PKHD1L1: variants seen among roughly 807,000 people sequenced by gnomAD.
PKHD1L1 encodes fibrocystin-L.
PKHD1L1 carries 434 observed loss-of-function variants against 462.9 expected under a neutral mutation model. The ratio of observed to expected loss-of-function variants is 0.94; its 90% CI spans 0.87 to 1.02. The LOEUF (loss-of-function observed/expected upper bound fraction) is 1.02. Ranked by LOEUF, PKHD1L1 falls within the 50% of genes least tolerant of loss-of-function variation. PKHD1L1 has a pLI of 0.00. For synonymous variants in PKHD1L1, 1,781 were observed against 1,750.0 expected, an observed-to-expected ratio of 1.02 and a Z score of -0.44; for missense variants, 5,202 against 5,096.1, an observed-to-expected ratio of 1.02 and a Z score of -0.63.
intron 48 of PKHD1L1, among the ~76,000 whole-genome samples, chr8:109,463,688 G>A (rs1427762329): frequency 6.6e-6 from 1 of 152,032 alleles, no homozygotes; most frequent in Admixed American, 6.6e-5. Context: ...GACCAACTTG[G>A]GTTTAAATGG....
At chr8:109,385,246 G>T (rs1159278185) in intron 5 of PKHD1L1, among the ~76,000 whole-genome samples, 1 of 149,420 alleles carries the variant, frequency 6.7e-6, no homozygotes. Flanking sequence ...TTGGTACAGA[G>T]ATCTTTTTTT....
Position 109,441,398 on chromosome 8 carries a change from C to T in PKHD1L1, c.4204+19C>T, listed in dbSNP as rs1370045536. The T allele has an allele frequency of 1.5e-6, 2 of 1,371,066 alleles. No homozygotes were observed. Among genetic ancestry groups the T allele is most frequent in the African/African-American group, 1.5e-5 (1 of 68,152 alleles). 84.9% of individuals were successfully genotyped at this position (1,371,066 alleles called of 1,614,324 possible). ...GATTCAGGTATCAGCCATTTATATA[C>T]TATGAAATAATGGAAGCACTGAAAC... is the stretch of plus-strand genomic sequence containing the variant. On this transcript the variant is annotated intron_variant, in intron 34 of 77. Transcript: ENST00000378402.
chr8:109,400,659 T>C (rs1810976418), intron 13 of PKHD1L1, among the ~76,000 whole-genome samples: 2 of 152,108 alleles, frequency 1.3e-5, no homozygotes, highest in Admixed American at 1.3e-4. Flanking sequence ...TTTTCACATA[T>C]TAGTATTAAA....
At position 109,477,448 on chromosome 8, in the gene PKHD1L1, T is replaced by G. The variant is rs372004470; in HGVS notation, c.9089+52T>G. On this transcript the variant is annotated intron_variant, in intron 53 of 77. Transcript: ENST00000378402. ...CCTTCAATATCTCTTAACATAATCC[T>G]TTTCACATGTCACTCCTGGGTGAAA... The G allele has an allele frequency of 2.1e-6, 3 of 1,450,112 alleles. No homozygotes were observed. In the African/African-American group the frequency reaches 4.3e-5, roughly 21 times the overall value. 89.8% of individuals were successfully genotyped at this position (1,450,112 alleles called of 1,614,324 possible).
intron 2 of PKHD1L1, among the ~76,000 whole-genome samples, chr8:109,379,113 T>G (rs778177586): frequency 2.6e-5 from 4 of 152,118 alleles, no homozygotes; most frequent in Non-Finnish European, 4.4e-5. Flanking sequence ...CTGCTATTGC[T>G]GAATACCGGA....
chr8:109,423,209 C>T (rs1210568485), intron 23 of PKHD1L1, among the ~76,000 whole-genome samples: 2 of 151,520 alleles, frequency 1.3e-5, no homozygotes, highest in Admixed American at 6.6e-5. Flanking sequence ...AGTCTAAGAA[C>T]TTACTTAGCT....
In PKHD1L1 at chr8:109,396,149, G is replaced by A; in HGVS notation, c.922+12G>A. 1.3e-6 allele frequency: 2 copies of A among 1,570,056 alleles called. No individual in the cohort carries two copies. The highest frequency in any genetic ancestry group is 1.2e-5 in the South Asian group (1 of 86,488). ...AGTTCTAGTTGGAGGTATTTCTCAT[G>A]GTTTTTGATATATTACTTTATTACC... On this transcript the variant is annotated intron_variant, in intron 11 of 77. Coordinates refer to ENST00000378402, the MANE Select transcript of PKHD1L1 (RefSeq NM_177531.6).
chr8:109,477,157 A>G (rs1818030886), intron 52 of PKHD1L1, 68 bp from the exon 53 acceptor site: 1 of 1,518,002 alleles, frequency 6.6e-7, no homozygotes, highest in Non-Finnish European at 9.0e-7. Context: ...CCAAAATTCC[A>G]TAATTTTGTT....
Position 109,504,415 on chromosome 8 carries a change from T to C in PKHD1L1, c.10917T>C (p.His3639=). 1.3e-6 allele frequency: 2 copies of C among 1,564,148 alleles called. No homozygotes were observed. The highest frequency in any genetic ancestry group is 1.4e-5 in the African/African-American group (1 of 73,088). Residue 3639 remains histidine (H), a synonymous_variant, in exon 68 of 78, where the codon CAT becomes CAC. Transcript: ENST00000378402. Reference sequence around the variant, plus strand: ...ACCCTTTAAATGAGGATTTACAGCATCCAATCCATGTGAAGAATATAAAAC... The same window carrying C: ...ACCCTTTAAATGAGGATTTACAGCACCCAATCCATGTGAAGAATATAAAAC... The part of the protein sequence containing the change: ...ITNPLNEDLQ[H]PIHVKNIKLV...
Position 109,485,029 on chromosome 8 carries a change from T to C in PKHD1L1, c.9577-15T>C. 5.8e-6 allele frequency: 9 copies of C among 1,563,800 alleles called. No individual in the cohort carries two copies. The highest frequency in any genetic ancestry group is 7.8e-6 in the Non-Finnish European group (9 of 1,161,124). ...TTAAAATTGTTCTTAAATTTGGCAC[T>C]TGAATTTTTCTAAGGAGGGAGAAGA... On this transcript the variant is annotated splice_polypyrimidine_tract_variant and intron_variant, in intron 57 of 77. Coordinates refer to ENST00000378402, the MANE Select transcript of PKHD1L1 (RefSeq NM_177531.6).
chr8:109,513,682 G>C (rs1313636837), intron 71 of PKHD1L1, among the ~76,000 whole-genome samples: 1 of 152,036 alleles, frequency 6.6e-6, no homozygotes, highest in East Asian at 1.9e-4. Context: ...CCCTTCCCAG[G>C]AGACAGCAGT....
chr8:109,387,525 T>C (rs1258371742), intron 6 of PKHD1L1, among the ~76,000 whole-genome samples: 1 of 152,136 alleles, frequency 6.6e-6, no homozygotes. Context: ...TGAAGGATAA[T>C]AGTTACTAAC....
chr8:109,445,152 ATCTGTAAAAGT>A lies in PKHD1L1; in HGVS notation c.5287_5297del (p.Val1763TyrfsTer2), dbSNP rs768734934. Reference sequence around the variant, plus strand: ...GAGTCTTCCCAAACTCTGTCATAGGATCTGTAAAAGTTCTTATTGAAGGAGAAGGTTTGGGG... The same window carrying A: ...GAGTCTTCCCAAACTCTGTCATAGGATCTTATTGAAGGAGAAGGTTTGGGG... On this transcript the variant is annotated frameshift_variant, in exon 38 of 78. Coordinates refer to ENST00000378402, the MANE Select transcript of PKHD1L1 (RefSeq NM_177531.6). LOFTEE classifies it high-confidence loss of function. 6 of 1,613,910 alleles carry A rather than the reference ATCTGTAAAAGT, an allele frequency of 3.7e-6. No homozygotes were observed. The highest frequency in any genetic ancestry group is 5.1e-6 in the Non-Finnish European group (6 of 1,179,874).
intron 71 of PKHD1L1, among the ~76,000 whole-genome samples, chr8:109,512,892 T>C (rs1820068429): frequency 1.3e-5 from 2 of 151,838 alleles, no homozygotes; most frequent in African/African-American, 2.4e-5. Context: ...TTTGTAGTTC[T>C]CCTTGAAGAG....
At chr8:109,486,334 C>G (rs982847903) in intron 58 of PKHD1L1, among the ~76,000 whole-genome samples, 3 of 151,950 alleles carry the variant, frequency 2.0e-5, no homozygotes, top group Non-Finnish European at 4.4e-5. Flanking sequence ...TGCCACACAA[C>G]AGGGCTTTCA....
Position 109,523,388 on chromosome 8 carries a change from T to C in PKHD1L1, c.12484+2T>C, listed in dbSNP as rs780679278. On this transcript the variant is annotated splice_donor_variant, in intron 76 of 77. Transcript: ENST00000378402. LOFTEE classifies it high-confidence loss of function. Reference sequence around the variant, plus strand: ...CAGACCTTACTCCCCTTAGAACAGGTGGGTGCACTATTTTGGATCCTCACA... The same window carrying C: ...CAGACCTTACTCCCCTTAGAACAGGCGGGTGCACTATTTTGGATCCTCACA... 2 of 1,609,192 alleles carry C rather than the reference T, an allele frequency of 1.2e-6. No homozygotes were observed. Among genetic ancestry groups the C allele is most frequent in the South Asian group, 2.2e-5 (2 of 90,486 alleles).
chr8:109,439,176 G>A (rs1365503945), intron 32 of PKHD1L1, 84 bp downstream of exon 32: 2 of 1,253,786 alleles, frequency 1.6e-6, no homozygotes, highest in African/African-American at 1.5e-5. Flanking sequence ...TGGGCATTAA[G>A]CTTTAGGTGT....
Position 109,518,239 on chromosome 8 carries a change from AT to A in PKHD1L1, c.11763del (p.Leu3922PhefsTer16), listed in dbSNP as rs759960989. ...TTTGATGGAACCTACCAGATGCTTT[AT>A]CTTTTGGTTAAAGGAACTATACCTG... is the stretch of plus-strand genomic sequence containing the variant. ...NYFDGTYQML[Y>X]LLVKGTIPVE... On this transcript the variant is annotated frameshift_variant, in exon 73 of 78. Transcript: ENST00000378402. LOFTEE classifies it high-confidence loss of function. 2.5e-6 allele frequency: 4 copies of A among 1,611,084 alleles called. No homozygotes were observed. Among genetic ancestry groups the A allele is most frequent in the Non-Finnish European group, 3.4e-6 (4 of 1,177,726 alleles).
intron 16 of PKHD1L1, among the ~76,000 whole-genome samples, 163 bp downstream of exon 16, chr8:109,405,293 G>C (rs1321170484): frequency 1.3e-5 from 2 of 152,098 alleles, no homozygotes; most frequent in Non-Finnish European, 2.9e-5. Flanking sequence ...TTCAGACTGG[G>C]ATAGAAAATG....
Sources: allele counts gnomAD v4.1 joint callset (sites outside exome capture counted in the v4.1 genomes callset), GRCh38; gene constraint gnomAD v4.1.1; transcripts MANE v1.5; gene names NCBI Gene and HGNC (gene_info 2026-07-23, HGNC 2026-07-21).